The following GYPE variants were observed in gnomAD, a reference collection of about 807,000 sequenced individuals.
GYPE encodes glycophorin E (MNS blood group).
In GYPE, 8 loss-of-function variants were observed where a neutral mutation model predicts 11.6. The ratio of observed to expected loss-of-function variants is 0.69; its 90% CI spans 0.41 to 1.25. The LOEUF (loss-of-function observed/expected upper bound fraction) is 1.25. GYPE is among the 50% of genes most tolerant of loss of function. GYPE has a pLI of 0.01. For missense variants in GYPE, 90 were observed against 92.8 expected (o/e 0.97, Z 0.12); for synonymous variants, 28 against 29.6 (o/e 0.94, Z 0.18).
rs1743834188 is a variant in GYPE, at chr4:143,876,853, T to A, written c.139A>T (p.Ile47Leu). The A allele has an allele frequency of 5.0e-6, 8 of 1,589,758 alleles. No individual in the cohort carries two copies. The highest frequency in any genetic ancestry group is 1.7e-4 in the Middle Eastern group (1 of 6,040). Residue 47 changes from isoleucine to leucine, a missense_variant and splice_region_variant, in exon 3 of 4, where the codon ATA becomes TTA. Coordinates refer to ENST00000358615, the MANE Select transcript of GYPE (RefSeq NM_198682.3). ...ATCGCCCACCAATTAATGAGTGTTATCCCTACAGGAGATAAAGAGAGCGGC... is the reference window on the plus strand; with the variant it reads ...ATCGCCCACCAATTAATGAGTGTTAACCCTACAGGAGATAAAGAGAGCGGC... Reference protein sequence around the residue: ...KSYISSQTNGITLINWWAMAR... With the variant: ...KSYISSQTNGLTLINWWAMAR...
intron 1 of GYPE, among the ~76,000 whole-genome samples, chr4:143,894,323 A>C (rs1237010817): frequency 1.3e-5 from 2 of 152,188 alleles, no homozygotes; most frequent in Admixed American, 6.5e-5. Context: ...CAAAGTCATT[A>C]TCCGTCCAGC....
chr4:143,902,797 G>A (rs1297069119), intron 1 of GYPE, among the ~76,000 whole-genome samples: 2 of 152,068 alleles, frequency 1.3e-5, no homozygotes, highest in Non-Finnish European at 2.9e-5. Context: ...AATTAAATTA[G>A]TATATTATGA....
At chr4:143,891,333 T>C (rs1268152040) in intron 1 of GYPE, among the ~76,000 whole-genome samples, 2 of 146,920 alleles carry the variant, frequency 1.4e-5, no homozygotes, top group South Asian at 2.2e-4. Flanking sequence ...TTGTTTCTTT[T>C]TTTTTTTTTT....
At chr4:143,888,835 T>C (rs1238169788) in intron 1 of GYPE, among the ~76,000 whole-genome samples, 29 of 137,470 alleles carry the variant, frequency 2.1e-4, no homozygotes, top group African/African-American at 7.3e-4. Flanking sequence ...TTCATTTTTC[T>C]TTTTTGGAAG....
chr4:143,899,501 G>T (rs375931127), intron 1 of GYPE, among the ~76,000 whole-genome samples: 66 of 152,052 alleles, frequency 4.3e-4, no homozygotes, highest in Middle Eastern at 3.4e-3. Context: ...AAATTGTTAG[G>T]GATCTAAATA....
At chr4:143,894,953 A>C (rs1744567085) in intron 1 of GYPE, among the ~76,000 whole-genome samples, 1 of 152,156 alleles carries the variant, frequency 6.6e-6, no homozygotes, top group Non-Finnish European at 1.5e-5. Flanking sequence ...AAAATTCAAC[A>C]ACTCTTTCAT....
chr4:143,903,120 C>T (rs6818201), intron 1 of GYPE, among the ~76,000 whole-genome samples: 123,415 of 134,810 alleles, frequency 0.92, 56,282 homozygotes, highest in Middle Eastern at 0.97. Flanking sequence ...AAATAACTCC[C>T]TGCTACCCTT....
chr4:143,894,431 C>T (rs1392495787), intron 1 of GYPE, among the ~76,000 whole-genome samples: 1 of 151,844 alleles, frequency 6.6e-6, no homozygotes. Flanking sequence ...TTTTCCCCAT[C>T]TTTGTGGTTT....
chr4:143,873,645 G>T (rs1743691972), intron 3 of GYPE, among the ~76,000 whole-genome samples: 1 of 152,146 alleles, frequency 6.6e-6, no homozygotes, highest in Non-Finnish European at 1.5e-5. Context: ...TCCATTGAGT[G>T]ATGTTCATCA....
At chr4:143,881,239 CAT>C (rs1017921894) in intron 1 of GYPE, among the ~76,000 whole-genome samples, 3 of 151,142 alleles carry the variant, frequency 2.0e-5, no homozygotes, top group African/African-American at 7.3e-5. Flanking sequence ...AATGTAGACT[CAT>C]ATATATCCTT....
chr4:143,897,303 A>G (rs969348315), intron 1 of GYPE, among the ~76,000 whole-genome samples: 1 of 152,034 alleles, frequency 6.6e-6, no homozygotes, highest in Admixed American at 6.6e-5. Flanking sequence ...GTATTTACAA[A>G]TTAAATAACA....
At chr4:143,880,371 A>G in intron 2 of GYPE, 40 bp downstream of exon 2, 3 of 1,613,536 alleles carry the variant, frequency 1.9e-6, no homozygotes, top group South Asian at 1.1e-5. Context: ...CACAAAAACG[A>G]TTTCGGAGCC....
intron 2 of GYPE, among the ~76,000 whole-genome samples, chr4:143,878,877 A>G (rs1307606298): frequency 6.6e-6 from 1 of 152,210 alleles, no homozygotes; most frequent in East Asian, 1.9e-4. Flanking sequence ...TCTACTTTTA[A>G]TGACCCAACA....
intron 1 of GYPE, among the ~76,000 whole-genome samples, chr4:143,902,612 T>G (rs1744909762): frequency 6.6e-6 from 1 of 151,894 alleles, no homozygotes; most frequent in African/African-American, 2.4e-5. Flanking sequence ...TCCTTTTCCT[T>G]CTTCCTTTCT....
At chr4:143,896,329 C>G (rs1744634723) in intron 1 of GYPE, among the ~76,000 whole-genome samples, 2 of 152,182 alleles carry the variant, frequency 1.3e-5, no homozygotes, top group South Asian at 4.2e-4. Flanking sequence ...CAAACAACCC[C>G]ATCAAAAAGT....
intron 1 of GYPE, among the ~76,000 whole-genome samples, chr4:143,896,157 G>C (rs1744623576): frequency 6.6e-6 from 1 of 152,122 alleles, no homozygotes. Context: ...ATTGACAAAT[G>C]GGATCTAATT....
chr4:143,878,449 T>G (rs1174216299), intron 2 of GYPE, among the ~76,000 whole-genome samples: 4 of 152,210 alleles, frequency 2.6e-5, no homozygotes, highest in African/African-American at 9.6e-5. Flanking sequence ...AAAATGTTTT[T>G]AAAAATAAGA....
intron 1 of GYPE, among the ~76,000 whole-genome samples, chr4:143,895,052 C>A (rs1277315108): frequency 6.6e-6 from 1 of 152,130 alleles, no homozygotes; most frequent in African/African-American, 2.4e-5. Flanking sequence ...CAATATCATA[C>A]TGAATGGGCA....
At chr4:143,890,563 T>C (rs1356167654) in intron 1 of GYPE, among the ~76,000 whole-genome samples, 4 of 152,232 alleles carry the variant, frequency 2.6e-5, no homozygotes, top group Non-Finnish European at 5.9e-5. Flanking sequence ...GAATCATCTG[T>C]GATATCCAGG....
Sources: gnomAD v4.1 joint callset for allele counts (sites outside exome capture counted in the v4.1 genomes callset) on GRCh38, gnomAD v4.1.1 for gene constraint, MANE v1.5 for transcripts, NCBI Gene and HGNC (gene_info 2026-07-23, HGNC 2026-07-21) for gene names.